Variants in LGR5 observed in about 807,000 individuals in gnomAD.
LGR5 encodes leucine-rich repeat-containing G protein-coupled receptor 5.
LGR5 carries 54 observed loss-of-function variants against 76.7 expected under a neutral mutation model. The ratio of observed to expected loss-of-function variants is 0.70; its 90% CI spans 0.57 to 0.88. The LOEUF is 0.88. Ranked by LOEUF, LGR5 falls within the 40% of genes least tolerant of loss-of-function variation. The pLI is 0.00. For synonymous variants in LGR5, 406 were observed against 421.9 expected, an observed-to-expected ratio of 0.96 and a Z score of 0.46; for missense variants, 1,078 against 1,073.3, an observed-to-expected ratio of 1.00 and a Z score of -0.06.
chr12:71,516,631 A>T lies in LGR5; in HGVS notation c.285-7775A>T, dbSNP rs562378112. Among the ~76,000 whole-genome samples the T allele has an allele frequency of 8.5e-5, 13 of 152,340 alleles. No individual in the cohort carries two copies. The South Asian group carries it at 2.7e-3, about 32-fold the overall frequency. ...TTAAAAAGGAAGCTACAAAATATAA[A>T]ATAAAATCTTTTATATTACTTTAAA... On this transcript the variant is annotated intron_variant, in intron 2 of 17. Coordinates refer to ENST00000266674, the MANE Select transcript of LGR5 (RefSeq NM_003667.4).
chr12:71,521,494 G>A (rs1320599812), intron 2 of LGR5, among the ~76,000 whole-genome samples: 1 of 152,176 alleles, frequency 6.6e-6, no homozygotes, highest in African/African-American at 2.4e-5. Context: ...TACCACTTCT[G>A]CAGGAAGGGG....
At chr12:71,453,083 T>C (rs1217477706) in intron 1 of LGR5, among the ~76,000 whole-genome samples, 3 of 152,188 alleles carry the variant, frequency 2.0e-5, no homozygotes, top group African/African-American at 4.8e-5. Context: ...GATTTCTTAA[T>C]GTTAAAAACA....
At chr12:71,462,668 G>A (rs898065612) in intron 1 of LGR5, among the ~76,000 whole-genome samples, 3 of 151,950 alleles carry the variant, frequency 2.0e-5, no homozygotes, top group Admixed American at 6.6e-5. Context: ...AGTCTCATTT[G>A]GACCACTGCA....
At chr12:71,489,354 C>T (rs115151121) in intron 1 of LGR5, among the ~76,000 whole-genome samples, 79 of 152,284 alleles carry the variant, frequency 5.2e-4, no homozygotes, top group Middle Eastern at 3.4e-3. Flanking sequence ...GATTAGGCAG[C>T]TATCCAAGCT....
intron 1 of LGR5, among the ~76,000 whole-genome samples, chr12:71,476,690 T>A (rs952629917): frequency 1.3e-5 from 2 of 152,156 alleles, no homozygotes; most frequent in African/African-American, 4.8e-5. Flanking sequence ...TCAAAAGAAC[T>A]AGTTCTTGGC....
intron 2 of LGR5, among the ~76,000 whole-genome samples, chr12:71,509,105 T>A (rs1287927623): frequency 6.6e-6 from 1 of 152,110 alleles, no homozygotes; most frequent in Non-Finnish European, 1.5e-5. Flanking sequence ...CTGTGCTGTA[T>A]AGAAAGAAAA....
At chr12:71,581,078 T>C (rs1038182545) in intron 16 of LGR5, among the ~76,000 whole-genome samples, 24 of 152,254 alleles carry the variant, frequency 1.6e-4, no homozygotes, top group Non-Finnish European at 5.9e-5. Flanking sequence ...TGAGGATGTC[T>C]TTTTCATACG....
chr12:71,578,695 T>C, intron 14 of LGR5, 109 bp from the exon 15 acceptor site: 1 of 1,136,060 alleles, frequency 8.8e-7, no homozygotes, highest in East Asian at 2.5e-5. Context: ...GGACCCTGCT[T>C]AGAAGTTTTT....
At chr12:71,454,351 A>G (rs1192847610) in intron 1 of LGR5, among the ~76,000 whole-genome samples, 1 of 152,188 alleles carries the variant, frequency 6.6e-6, no homozygotes, top group African/African-American at 2.4e-5. Flanking sequence ...TCAGACATCT[A>G]CTACATGTCA....
chr12:71,526,747 G>A (rs996725060), intron 3 of LGR5, among the ~76,000 whole-genome samples: 1 of 152,146 alleles, frequency 6.6e-6, no homozygotes, highest in Non-Finnish European at 1.5e-5. Context: ...AGAGGTTGGG[G>A]AGTTGATGTC....
intron 1 of LGR5, among the ~76,000 whole-genome samples, chr12:71,473,202 G>C (rs1030461141): frequency 6.6e-6 from 1 of 152,126 alleles, no homozygotes; most frequent in Admixed American, 6.5e-5. Context: ...GCACATCATG[G>C]ATCTGGCACA....
At position 71,440,713 on chromosome 12, in the gene LGR5, G is replaced by A. The variant is rs1242254602; in HGVS notation, c.212+421G>A. Among the ~76,000 whole-genome samples, 1 of 152,202 alleles carries A rather than the reference G, an allele frequency of 6.6e-6. No individual in the cohort carries two copies. Among genetic ancestry groups the A allele is most frequent in the Non-Finnish European group, 1.5e-5 (1 of 68,036 alleles). ...TCTAGTCGCATTCCACGAAAAGATGGTCTGTAGAAAGTTTCCCCAAAGGAG... is the reference window on the plus strand; with the variant it reads ...TCTAGTCGCATTCCACGAAAAGATGATCTGTAGAAAGTTTCCCCAAAGGAG... On this transcript the variant is annotated intron_variant, in intron 1 of 17. Coordinates refer to ENST00000266674, the MANE Select transcript of LGR5 (RefSeq NM_003667.4). The surrounding 1 kb of genome is among the most constrained non-coding windows in gnomAD (Gnocchi z 5.3).
At chr12:71,517,825 G>A (rs1420704958) in intron 2 of LGR5, among the ~76,000 whole-genome samples, 3 of 152,060 alleles carry the variant, frequency 2.0e-5, no homozygotes, top group African/African-American at 4.8e-5. Context: ...ATTATACATC[G>A]CATTTTGGAT....
chr12:71,458,528 C>G (rs760566942), intron 1 of LGR5, among the ~76,000 whole-genome samples: 2 of 152,046 alleles, frequency 1.3e-5, no homozygotes, highest in Non-Finnish European at 2.9e-5. Flanking sequence ...TTTAACTCTT[C>G]TTTCATTGTT....
At chr12:71,526,400 T>G (rs1876003610) in intron 3 of LGR5, among the ~76,000 whole-genome samples, 1 of 152,050 alleles carries the variant, frequency 6.6e-6, no homozygotes, top group Non-Finnish European at 1.5e-5. Context: ...CATAGATTAT[T>G]TCTCATGCTA....
intron 8 of LGR5, 91 bp downstream of exon 8, chr12:71,561,943 A>G: frequency 4.9e-6 from 4 of 810,190 alleles, no homozygotes; most frequent in Non-Finnish European, 7.7e-6. Context: ...TATTTGCCTG[A>G]GTTTTGTCTT....
chr12:71,481,248 C>G lies in LGR5; in HGVS notation c.213-23366C>G, dbSNP rs558301664. Among the ~76,000 whole-genome samples, 23 of 151,898 alleles carry G rather than the reference C, an allele frequency of 1.5e-4. No individual in the cohort carries two copies. The South Asian group carries it at 2.3e-3, about 15-fold the overall frequency. On this transcript the variant is annotated intron_variant, in intron 1 of 17. Transcript: ENST00000266674. The stretch of plus-strand genomic sequence containing the variant: ...TGTCCTGATGATATCCCTCCCCTTA[C>G]CCCCAACCCCCTGACAGGCCCCAGT...
intron 4 of LGR5, among the ~76,000 whole-genome samples, chr12:71,547,600 A>G (rs933122404): frequency 6.6e-6 from 1 of 152,202 alleles, no homozygotes; most frequent in African/African-American, 2.4e-5. Flanking sequence ...GTGACATGTG[A>G]TTCTGCCTTA....
At chr12:71,462,686 C>T (rs1404444894) in intron 1 of LGR5, among the ~76,000 whole-genome samples, 1 of 152,188 alleles carries the variant, frequency 6.6e-6, no homozygotes, top group African/African-American at 2.4e-5. Context: ...GCAATTTTCT[C>T]CTCACTCTTC....
Sources: allele counts gnomAD v4.1 joint callset (sites outside exome capture counted in the v4.1 genomes callset), GRCh38; gene constraint gnomAD v4.1.1; non-coding constraint Gnocchi (gnomAD v3.1); transcripts MANE v1.5; gene names NCBI Gene and HGNC (gene_info 2026-07-23, HGNC 2026-07-21).